Variants in SFMBT1 observed in about 807,000 individuals in gnomAD.
SFMBT1 encodes Scm like with four mbt domains 1.
SFMBT1 carries 32 observed loss-of-function variants against 108.7 expected under a neutral mutation model. That is an observed-to-expected ratio of 0.29 (90% CI 0.22 to 0.40). The LOEUF (loss-of-function observed/expected upper bound fraction) is 0.40. Among genes scored for constraint, SFMBT1 ranks in the 10% least tolerant of loss-of-function variants. SFMBT1 has a pLI of 1.00. For missense variants in SFMBT1, 816 were observed against 1,059.6 expected (o/e 0.77, Z 3.19); for synonymous variants, 348 against 369.5 (o/e 0.94, Z 0.67).
intron 1 of SFMBT1, among the ~76,000 whole-genome samples, chr3:52,969,554 T>A (rs1461762739): frequency 6.6e-6 from 1 of 152,158 alleles, no homozygotes; most frequent in African/African-American, 2.4e-5. Context: ...TAAATTTACA[T>A]TACCATACTT....
At chr3:52,911,309 C>A in intron 16 of SFMBT1, 131 bp from the exon 17 acceptor site, 1 of 809,552 alleles carries the variant, frequency 1.2e-6, no homozygotes, top group East Asian at 3.0e-5. Flanking sequence ...AGTTCAAGGG[C>A]CCTGAAAACA....
At chr3:52,934,776 G>A in intron 5 of SFMBT1, 37 bp downstream of exon 5, 2 of 1,528,666 alleles carry the variant, frequency 1.3e-6, no homozygotes, top group Non-Finnish European at 1.8e-6. Context: ...AGATCAGATG[G>A]GTTTTCCATG....
intron 3 of SFMBT1, among the ~76,000 whole-genome samples, chr3:52,950,647 G>C (rs1001992426): frequency 6.6e-6 from 1 of 152,016 alleles, no homozygotes; most frequent in Middle Eastern, 3.2e-3. Context: ...TCTAATTTTT[G>C]TATTTTTGTA....
At chr3:53,027,876 T>C (rs1699550699) in intron 1 of SFMBT1, among the ~76,000 whole-genome samples, 1 of 152,210 alleles carries the variant, frequency 6.6e-6, no homozygotes, top group African/African-American at 2.4e-5. Flanking sequence ...GCAAATTTTT[T>C]TGTGTGAAAA....
At chr3:53,030,635 T>C (rs1231514184) in intron 1 of SFMBT1, among the ~76,000 whole-genome samples, 1 of 145,222 alleles carries the variant, frequency 6.9e-6, no homozygotes, top group African/African-American at 2.5e-5. Flanking sequence ...AGAGGTCCCT[T>C]TCACCCTCCT....
chr3:52,965,457 C>T (rs1472147206), intron 2 of SFMBT1, among the ~76,000 whole-genome samples: 1 of 149,412 alleles, frequency 6.7e-6, no homozygotes, highest in Non-Finnish European at 1.5e-5. Flanking sequence ...AAATTAACAA[C>T]AGAGAAACCT....
chr3:53,010,120 G>A (rs969741641), intron 1 of SFMBT1, among the ~76,000 whole-genome samples: 6 of 152,142 alleles, frequency 3.9e-5, no homozygotes, highest in Non-Finnish European at 7.4e-5. Context: ...TAGGAAACAA[G>A]CTAAAAGCAA....
intron 1 of SFMBT1, among the ~76,000 whole-genome samples, chr3:53,023,697 G>A (rs72965358): frequency 2.6e-5 from 4 of 152,092 alleles, no homozygotes; most frequent in South Asian, 2.1e-4. Flanking sequence ...TGGTTGCAGC[G>A]AACTCCAGTA....
chr3:53,021,517 T>C (rs531051590), intron 1 of SFMBT1, among the ~76,000 whole-genome samples: 2 of 152,330 alleles, frequency 1.3e-5, no homozygotes, highest in Non-Finnish European at 1.5e-5. Context: ...CAAGTATCCA[T>C]GGGTCACAGA....
rs376253373 is a variant in SFMBT1 at position 52,910,983 on chromosome 3, A to G, written c.1906+20T>C. 20 of 1,613,252 alleles carry G rather than the reference A, an allele frequency of 1.2e-5. No homozygotes were observed. In the African/African-American group the frequency reaches 2.5e-4, roughly 20 times the overall value. ...TATGGTCAGCTGCTATGGTTAACAC[A>G]TTGGAAAAACATGACTCACTGTATT... On this transcript the variant is annotated intron_variant, in intron 17 of 20. Coordinates refer to ENST00000394752, the MANE Select transcript of SFMBT1 (RefSeq NM_016329.4).
At chr3:52,905,334 A>C (rs918848478) in intron 20 of SFMBT1, 58 bp from the exon 21 acceptor site, 1 of 1,554,476 alleles carries the variant, frequency 6.4e-7, no homozygotes. Flanking sequence ...CAGCTTGATC[A>C]TGACAGCCTC....
chr3:53,011,310 A>G (rs2106928403), intron 1 of SFMBT1, among the ~76,000 whole-genome samples: 1 of 152,296 alleles, frequency 6.6e-6, no homozygotes, highest in South Asian at 2.1e-4. Context: ...GGCTGGCATC[A>G]GGTCGGCAAG....
chr3:53,032,885 G>A (rs557343749), intron 1 of SFMBT1, among the ~76,000 whole-genome samples: 2 of 152,342 alleles, frequency 1.3e-5, no homozygotes, highest in South Asian at 2.1e-4. Context: ...GAGTCCAGGA[G>A]GGAAGGCTTC....
chr3:52,960,206 G>A (rs771965383), intron 2 of SFMBT1, among the ~76,000 whole-genome samples: 1 of 151,942 alleles, frequency 6.6e-6, no homozygotes, highest in Non-Finnish European at 1.5e-5. Flanking sequence ...ACTTTGCAGT[G>A]TAATGTTTAT....
At chr3:52,937,399 C>T (rs1703046656) in intron 4 of SFMBT1, among the ~76,000 whole-genome samples, 1 of 152,058 alleles carries the variant, frequency 6.6e-6, no homozygotes, top group African/African-American at 2.4e-5. Flanking sequence ...AGTTAGGTTT[C>T]CTTGATTTTT....
intron 14 of SFMBT1, among the ~76,000 whole-genome samples, chr3:52,914,236 G>GT: frequency 6.6e-6 from 1 of 152,206 alleles, no homozygotes; most frequent in South Asian, 2.1e-4. Context: ...TCAATTTAAT[G>GT]TTTTTAAAAA....
At chr3:52,959,133 C>T (rs138178901) in intron 2 of SFMBT1, among the ~76,000 whole-genome samples, 5 of 134,150 alleles carry the variant, frequency 3.7e-5, no homozygotes, top group Non-Finnish European at 4.7e-5. Flanking sequence ...TCAAGGGGGA[C>T]GGGGGAGGGA....
intron 1 of SFMBT1, among the ~76,000 whole-genome samples, chr3:52,997,124 C>G (rs527778620): frequency 6.7e-6 from 1 of 149,478 alleles, no homozygotes; most frequent in East Asian, 2.0e-4. Context: ...TATCATACAA[C>G]CAAGCAATTC....
At chr3:53,004,259 TCTCTC>T in intron 1 of SFMBT1, among the ~76,000 whole-genome samples, 1 of 132,038 alleles carries the variant, frequency 7.6e-6, no homozygotes, top group African/African-American at 2.7e-5. Flanking sequence ...CTTCTTTCTC[TCTCTC>T]TCTCTCTCTC....
Sources: gnomAD v4.1 joint callset for allele counts (sites outside exome capture counted in the v4.1 genomes callset) on GRCh38, gnomAD v4.1.1 for gene constraint, MANE v1.5 for transcripts, NCBI Gene and HGNC (gene_info 2026-07-23, HGNC 2026-07-21) for gene names.